TAFA2: variants seen among roughly 807,000 people sequenced by gnomAD.
TAFA2 encodes TAFA chemokine like family member 2, also known as chemokine-like protein TAFA-2.
A neutral mutation model predicts 18.8 loss-of-function variants in TAFA2; 7 were observed. That is an observed-to-expected ratio of 0.37 (90% CI 0.21 to 0.70). The LOEUF (loss-of-function observed/expected upper bound fraction) is 0.70, where lower values mean the gene tolerates loss of function less well. Ranked by LOEUF, TAFA2 falls within the 30% of genes least tolerant of loss-of-function variation. The pLI, the probability that TAFA2 is intolerant of heterozygous loss-of-function variation, is 0.53. For missense variants in TAFA2, 122 were observed against 158.1 expected (o/e 0.77, Z 1.23); for synonymous variants, 60 against 54.2 (o/e 1.11, Z -0.47).
chr12:61,784,037 T>G (rs1206765745), intron 2 of TAFA2, among the ~76,000 whole-genome samples: 1 of 151,488 alleles, frequency 6.6e-6, no homozygotes, highest in African/African-American at 2.4e-5. Context: ...TTTATGAAAA[T>G]AGCATAACCT....
chr12:61,902,704 C>T (rs1481993033), intron 1 of TAFA2, among the ~76,000 whole-genome samples: 1 of 152,170 alleles, frequency 6.6e-6, no homozygotes, highest in Non-Finnish European at 1.5e-5. Context: ...TGTTCATTCA[C>T]AACATTTTTC....
intron 1 of TAFA2, among the ~76,000 whole-genome samples, chr12:62,245,169 T>C (rs569479566): frequency 6.6e-6 from 1 of 152,274 alleles, no homozygotes; most frequent in African/African-American, 2.4e-5. Flanking sequence ...GTGTTTGATA[T>C]GAAATCAAAA....
At chr12:62,007,722 A>G (rs982538475) in intron 1 of TAFA2, among the ~76,000 whole-genome samples, 2 of 151,928 alleles carry the variant, frequency 1.3e-5, no homozygotes, top group African/African-American at 4.8e-5. Context: ...TTAAATTGAT[A>G]CATAACAATA....
At chr12:62,062,879 G>C (rs148168615) in intron 1 of TAFA2, among the ~76,000 whole-genome samples, 1 of 152,042 alleles carries the variant, frequency 6.6e-6, no homozygotes, top group Non-Finnish European at 1.5e-5. Flanking sequence ...GCATTCCTTG[G>C]CTCATGGCCC....
chr12:62,043,540 C>A (rs1487553481), intron 1 of TAFA2, among the ~76,000 whole-genome samples: 3 of 151,982 alleles, frequency 2.0e-5, no homozygotes, highest in Non-Finnish European at 4.4e-5. Flanking sequence ...GTGCAGCACA[C>A]CAACATGGCA....
chr12:61,710,560 G>C (rs367864918), intron 4 of TAFA2, 143 bp from the exon 5 acceptor site: 25 of 626,702 alleles, frequency 4.0e-5, no homozygotes, highest in East Asian at 2.2e-4. Flanking sequence ...AGGACTAACA[G>C]ATGCAGGTAT....
intron 1 of TAFA2, among the ~76,000 whole-genome samples, chr12:62,234,046 GC>G (rs2062824358): frequency 6.6e-6 from 1 of 152,208 alleles, no homozygotes; most frequent in South Asian, 2.1e-4. Flanking sequence ...CTCTGCAGAG[GC>G]AGGGTGCCTT....
chr12:62,183,508 C>G (rs1201482663), intron 1 of TAFA2, among the ~76,000 whole-genome samples: 3 of 152,162 alleles, frequency 2.0e-5, no homozygotes, highest in African/African-American at 4.8e-5. Flanking sequence ...CTCAGCCTCC[C>G]CAGTAGCTGG....
At chr12:61,818,426 C>A (rs762383939) in intron 2 of TAFA2, among the ~76,000 whole-genome samples, 5 of 151,366 alleles carry the variant, frequency 3.3e-5, no homozygotes, top group Non-Finnish European at 5.9e-5. Context: ...GGATTTTAAA[C>A]TTTTGTTAAA....
At chr12:62,259,196 CT>C (rs1395079145), upstream of TAFA2, among the ~76,000 whole-genome samples, 1 of 152,178 alleles carries the variant, frequency 6.6e-6, no homozygotes, top group African/African-American at 2.4e-5. Flanking sequence ...ATCTTTTAGA[CT>C]TTTCACATCA....
At chr12:62,251,039 T>G (rs1209800229) in intron 1 of TAFA2, among the ~76,000 whole-genome samples, 1 of 144,574 alleles carries the variant, frequency 6.9e-6, no homozygotes, top group African/African-American at 2.5e-5. Context: ...CTTTGGGTGT[T>G]TTGAAAGTCA....
intron 1 of TAFA2, among the ~76,000 whole-genome samples, chr12:61,958,021 C>T (rs1878757090): frequency 6.6e-6 from 1 of 152,094 alleles, no homozygotes; most frequent in African/African-American, 2.4e-5. Flanking sequence ...CACCCCAGCT[C>T]CTCAGTTAAC....
intron 1 of TAFA2, among the ~76,000 whole-genome samples, chr12:62,047,331 T>A (rs1881936742): frequency 6.6e-6 from 1 of 152,166 alleles, no homozygotes; most frequent in Non-Finnish European, 1.5e-5. Context: ...ACAACCTCTA[T>A]AAACCTCAAT....
intron 1 of TAFA2, among the ~76,000 whole-genome samples, chr12:62,183,577 G>T (rs1244531558): frequency 1.3e-5 from 2 of 152,092 alleles, no homozygotes; most frequent in Non-Finnish European, 2.9e-5. Context: ...CAGAGACAGG[G>T]TTTCATCATA....
chr12:61,820,888 G>A (rs1872292826), intron 2 of TAFA2, among the ~76,000 whole-genome samples: 1 of 151,892 alleles, frequency 6.6e-6, no homozygotes. Context: ...AGTATATGGA[G>A]ATTCTTATTC....
At chr12:62,100,836 C>T (rs1869165261) in intron 1 of TAFA2, among the ~76,000 whole-genome samples, 1 of 152,060 alleles carries the variant, frequency 6.6e-6, no homozygotes, top group African/African-American at 2.4e-5. Context: ...TGTACAATGC[C>T]CAACCTACAC....
At position 62,252,639 on chromosome 12, in the gene TAFA2, C is replaced by T. The variant is rs567711163; in HGVS notation, c.-130+6124G>A. On this transcript the variant is annotated intron_variant, in intron 1 of 5. Coordinates refer to the TAFA2 transcript ENST00000551619. ...GGCCATTGATTCAGAGGGTATACTG[C>T]ATAGGGTATTATTGTATCTAAGGTG... 2.0e-5 allele frequency: 3 copies of T among 152,292 alleles called. No individual in the cohort carries two copies. In the South Asian group the frequency reaches 6.2e-4, roughly 32 times the overall value. The allele number at this position is 152,292 out of a possible 1,614,324, so 9.4% of individuals were successfully genotyped here. A position where few individuals can be genotyped will look rare whatever the true frequency, so the allele number is the denominator to read the frequency against.
At chr12:62,197,207 A>G (rs1311474351), upstream of TAFA2, among the ~76,000 whole-genome samples, 1 of 152,232 alleles carries the variant, frequency 6.6e-6, no homozygotes, top group Admixed American at 6.5e-5. Context: ...GTCCTCCATG[A>G]AACCGGTCCC....
chr12:62,138,123 A>G (rs1870970704), intron 1 of TAFA2, among the ~76,000 whole-genome samples: 1 of 152,074 alleles, frequency 6.6e-6, no homozygotes, highest in African/African-American at 2.4e-5. Context: ...TATGCTATTT[A>G]AAATTGCACA....
Sources: gnomAD v4.1 joint callset for allele counts (sites outside exome capture counted in the v4.1 genomes callset) on GRCh38, gnomAD v4.1.1 for gene constraint, MANE v1.5 for transcripts, NCBI Gene and HGNC (gene_info 2026-07-23, HGNC 2026-07-21) for gene names.